PLXNA4: variants seen among roughly 807,000 people sequenced by gnomAD.
PLXNA4 encodes the protein plexin-A4.
In PLXNA4, 44 loss-of-function variants were observed where a neutral mutation model predicts 191.8. That is an observed-to-expected ratio of 0.23 (90% confidence interval 0.18 to 0.29). PLXNA4 has a LOEUF of 0.29. Ranked by LOEUF, PLXNA4 falls within the 10% of genes least tolerant of loss-of-function variation. The probability of loss-of-function intolerance (pLI) is 1.00; values close to 1 mark genes in which losing one functional copy is unlikely to be tolerated. For missense variants in PLXNA4, 1,800 were observed against 2,488.8 expected (o/e 0.72, Z 5.89); for synonymous variants, 1,082 against 1,009.5 (o/e 1.07, Z -1.36).
intron 3 of PLXNA4, among the ~76,000 whole-genome samples, chr7:132,311,202 G>GTGTGCGTGC (rs1554411105): frequency 1.3e-5 from 2 of 151,066 alleles, no homozygotes; most frequent in African/African-American, 4.9e-5. Flanking sequence ...GTGCGCGTGT[G>GTGTGCGTGC]GCCTAAAGGA....
intron 5 of PLXNA4, among the ~76,000 whole-genome samples, chr7:132,235,520 C>T (rs374290187): frequency 6.6e-6 from 1 of 152,234 alleles, no homozygotes; most frequent in Non-Finnish European, 1.5e-5. Flanking sequence ...GGAGGGCATT[C>T]TTCCAACAGA....
At chr7:132,132,420 C>CTGTTCTGTTCTGTTCTGT (rs1563047955) in intron 31 of PLXNA4, among the ~76,000 whole-genome samples, 22 of 61,186 alleles carry the variant, frequency 3.6e-4, no homozygotes, top group African/African-American at 1.1e-3. Context: ...CTGTTCTGTT[C>CTGTTCTGTTCTGTTCTGT]TGTTCTGTTC....
At chr7:132,488,022 A>G (rs156928) in intron 3 of PLXNA4, among the ~76,000 whole-genome samples, 138,419 of 152,232 alleles carry the variant, frequency 0.91, 63,669 homozygotes, top group Non-Finnish European at 0.98. Flanking sequence ...CAAATTAGGC[A>G]GTTACTTCCT....
At chr7:132,229,373 C>A (rs1388913185) in intron 5 of PLXNA4, among the ~76,000 whole-genome samples, 1 of 152,186 alleles carries the variant, frequency 6.6e-6, no homozygotes, top group Admixed American at 6.5e-5. Context: ...AAACATGGAA[C>A]TCTCCTGAAA....
intron 3 of PLXNA4, among the ~76,000 whole-genome samples, chr7:132,399,526 C>A (rs1483230877): frequency 2.0e-5 from 3 of 152,150 alleles, no homozygotes; most frequent in African/African-American, 7.2e-5. Context: ...CTGGAGAAAT[C>A]AAGAGAGGCT....
At chr7:132,179,153 A>ACT (rs1292406402) in intron 20 of PLXNA4, among the ~76,000 whole-genome samples, 2 of 131,900 alleles carry the variant, frequency 1.5e-5, no homozygotes, top group African/African-American at 2.9e-5. Flanking sequence ...GTGCTCACAC[A>ACT]CACACACACA....
chr7:132,144,992 G>A, intron 29 of PLXNA4, 127 bp downstream of exon 29: 2 of 1,382,974 alleles, frequency 1.4e-6, no homozygotes, highest in Non-Finnish European at 2.0e-6. Context: ...TGCCTGCTCA[G>A]AGTCCCTGCT....
intron 5 of PLXNA4, among the ~76,000 whole-genome samples, chr7:132,230,075 A>G (rs1457832765): frequency 6.6e-6 from 1 of 152,186 alleles, no homozygotes; most frequent in Admixed American, 6.5e-5. Flanking sequence ...TGCAATGCGA[A>G]AGTAAAAAAC....
intron 4 of PLXNA4, among the ~76,000 whole-genome samples, chr7:132,288,714 C>T (rs1385327666): frequency 1.3e-5 from 2 of 152,186 alleles, no homozygotes; most frequent in African/African-American, 2.4e-5. Context: ...GGCAGAGAGA[C>T]GGTTGCATCA....
At chr7:132,510,140 G>A (rs530316575) in intron 1 of PLXNA4, among the ~76,000 whole-genome samples, 116 of 152,214 alleles carry the variant, frequency 7.6e-4, no homozygotes, top group South Asian at 1.7e-3. Flanking sequence ...GAGAATTCAG[G>A]GCAGGAATTG....
chr7:132,294,481 A>C (rs1284257059), intron 4 of PLXNA4, among the ~76,000 whole-genome samples: 1 of 152,204 alleles, frequency 6.6e-6, no homozygotes, highest in Non-Finnish European at 1.5e-5. Context: ...GAGGAATGAC[A>C]CTATCTAACT....
At chr7:132,171,329 T>C (rs1300458707) in intron 21 of PLXNA4, among the ~76,000 whole-genome samples, 3 of 152,204 alleles carry the variant, frequency 2.0e-5, no homozygotes, top group African/African-American at 7.2e-5. Flanking sequence ...AGGCAGCCTA[T>C]CTCATGACAG....
chr7:132,621,108 A>G (rs987787105), intron 2 of PLXNA4, among the ~76,000 whole-genome samples: 1 of 152,152 alleles, frequency 6.6e-6, no homozygotes, highest in Non-Finnish European at 1.5e-5. Flanking sequence ...GCTTCAACAT[A>G]TGAATTTTAG....
chr7:132,402,100 C>A (rs149577586), intron 3 of PLXNA4, among the ~76,000 whole-genome samples: 2 of 152,270 alleles, frequency 1.3e-5, no homozygotes, highest in East Asian at 3.9e-4. Flanking sequence ...AAATCTCAAG[C>A]CTACATACCA....
At chr7:132,459,339 G>T (rs1796418117) in intron 3 of PLXNA4, among the ~76,000 whole-genome samples, 1 of 152,128 alleles carries the variant, frequency 6.6e-6, no homozygotes, top group Non-Finnish European at 1.5e-5. Flanking sequence ...TTACATTCGG[G>T]GAAACGATCT....
At chr7:132,253,002 G>A (rs991458084) in intron 4 of PLXNA4, among the ~76,000 whole-genome samples, 2 of 152,170 alleles carry the variant, frequency 1.3e-5, no homozygotes, top group Non-Finnish European at 1.5e-5. Flanking sequence ...GTGCAGCTGT[G>A]TATACATATA....
intron 24 of PLXNA4, among the ~76,000 whole-genome samples, chr7:132,163,622 C>A (rs552828627): frequency 6.6e-6 from 1 of 152,262 alleles, no homozygotes; most frequent in Admixed American, 6.5e-5. Flanking sequence ...TGGAGGGGAT[C>A]CCCACGTTCC....
At chr7:132,519,549 C>A (rs1030166561) in intron 1 of PLXNA4, among the ~76,000 whole-genome samples, 1 of 152,188 alleles carries the variant, frequency 6.6e-6, no homozygotes, top group African/African-American at 2.4e-5. Context: ...GCTTGTCCAG[C>A]TGACATTTTC....
At chr7:132,444,443 T>C (rs559986136) in intron 3 of PLXNA4, among the ~76,000 whole-genome samples, 12 of 152,308 alleles carry the variant, frequency 7.9e-5, no homozygotes, top group Admixed American at 7.2e-4. Flanking sequence ...TTAGTAGAGA[T>C]GGGGTTTCAC....
Sources: gnomAD v4.1 joint callset for allele counts (sites outside exome capture counted in the v4.1 genomes callset) on GRCh38, gnomAD v4.1.1 for gene constraint, MANE v1.5 for transcripts, NCBI Gene and HGNC (gene_info 2026-07-23, HGNC 2026-07-21) for gene names.